Variants in XPOT observed in about 807,000 individuals in gnomAD.
XPOT encodes the protein exportin for tRNA, also known as exportin-T.
XPOT carries 34 observed loss-of-function variants against 128.2 expected under a neutral mutation model. The ratio of observed to expected loss-of-function variants is 0.27; its 90% CI spans 0.20 to 0.35. The LOEUF is 0.35. Among genes scored for constraint, XPOT ranks in the 10% least tolerant of loss-of-function variants. The pLI is 1.00. For synonymous variants in XPOT, 348 were observed against 394.3 expected, an observed-to-expected ratio of 0.88 and a Z score of 1.39; for missense variants, 838 against 1,125.3, an observed-to-expected ratio of 0.74 and a Z score of 3.65.
intron 1 of XPOT, among the ~76,000 whole-genome samples, chr12:64,407,291 C>T (rs1488354549): frequency 6.6e-6 from 1 of 151,978 alleles, no homozygotes; most frequent in African/African-American, 2.4e-5. Flanking sequence ...TCGAGACCAG[C>T]CTGGGCAACA....
chr12:64,434,804 T>C lies in XPOT; in HGVS notation c.2580T>C (p.Asp860=), dbSNP rs1225324580. ...GAATTCTCTTGACAGGAGGTAAAGA[T>C]GGACCAGTGGGATTTGCTGATTTTG... ...SKLVELWGGK[D]GPVGFADFVY... Residue 860 remains aspartate, a synonymous_variant, in exon 21 of 25, where the codon GAT becomes GAC. Transcript: ENST00000332707. 6.2e-7 allele frequency: 1 copy of C among 1,612,112 alleles called. No homozygotes were observed. Among genetic ancestry groups the C allele is most frequent in the Admixed American group, 1.7e-5 (1 of 60,002 alleles).
chr12:64,446,350 A>G (rs1029505628), intron 24 of XPOT, among the ~76,000 whole-genome samples: 1 of 152,224 alleles, frequency 6.6e-6, no homozygotes, highest in South Asian at 2.1e-4. Context: ...TCTCAGTGTT[A>G]GCATTATTAT....
Position 64,434,637 on chromosome 12 carries a change from A to G in XPOT, c.2569+14A>G. On this transcript the variant is annotated intron_variant, in intron 20 of 24. Coordinates refer to ENST00000332707, the MANE Select transcript of XPOT (RefSeq NM_007235.6). ...TAGAACTCTGGGGTAAGATAATTTT[A>G]TTTCTTAACCTTCATTTCCCAAACT... 6.3e-7 allele frequency: 1 copy of G among 1,598,422 alleles called. No individual in the cohort carries two copies. The highest frequency in any genetic ancestry group is 8.6e-7 in the Non-Finnish European group (1 of 1,165,908).
chr12:64,411,186 TA>T (rs2040035744), intron 2 of XPOT, among the ~76,000 whole-genome samples: 1 of 152,242 alleles, frequency 6.6e-6, no homozygotes, highest in Admixed American at 6.5e-5. Flanking sequence ...AAAAGACATT[TA>T]AAATCCATGT....
chr12:64,417,400 TAGCC>T (rs954969794), intron 4 of XPOT, among the ~76,000 whole-genome samples: 1 of 152,070 alleles, frequency 6.6e-6, no homozygotes, highest in African/African-American at 2.4e-5. Flanking sequence ...TTTAAAAAAT[TAGCC>T]AGGCATGATT....
In XPOT at chr12:64,420,117, C is replaced by T. The variant is rs533669652; in HGVS notation, c.537C>T (p.Cys179=). Residue 179 remains cysteine (C), a synonymous_variant, in exon 7 of 25, where the codon TGC becomes TGT. Coordinates refer to ENST00000332707, the MANE Select transcript of XPOT (RefSeq NM_007235.6). The part of the protein sequence containing the change: ...TLIKDTMREQ[C]IPNLVESWYQ... Reference sequence around the variant, plus strand: ...TAAAAGATACCATGAGGGAACAGTGCATTCCAAATCTGGTGGAATCATGGT... The same window carrying T: ...TAAAAGATACCATGAGGGAACAGTGTATTCCAAATCTGGTGGAATCATGGT... 23 of 1,605,072 alleles carry T rather than the reference C, an allele frequency of 1.4e-5. No individual in the cohort carries two copies. The South Asian group carries it at 2.5e-4, about 17-fold the overall frequency.
At chr12:64,421,519 C>A in intron 9 of XPOT, 48 bp downstream of exon 9, 4 of 1,303,348 alleles carry the variant, frequency 3.1e-6, no homozygotes, top group Non-Finnish European at 3.3e-6. Flanking sequence ...TACAAAGGAG[C>A]CATGGAGAAG....
At position 64,418,885 on chromosome 12, in the gene XPOT, C is replaced by T. The variant is rs776102954; in HGVS notation, c.280C>T (p.Pro94Ser). 6.2e-7 allele frequency: 1 copy of T among 1,613,606 alleles called. No homozygotes were observed. Among genetic ancestry groups the T allele is most frequent in the Admixed American group, 1.7e-5 (1 of 59,984 alleles). ...TTTCTCTGTTTGTCAGATGCTGAAT[C>T]CCCAACCAGAGAAGACCTTTATACG... ...ISWLQAQMLN[P>S]QPEKTFIRNK... Residue 94 changes from proline to serine, a missense_variant, in exon 6 of 25, where the codon CCC (proline) becomes TCC (serine). Physicochemically the swap from Pro to Ser is moderately conservative, Grantham distance 74. Around this residue, in one of 3 missense-constraint regions of XPOT, gnomAD observed 761 missense variants for 988.3 expected, o/e 0.77. Coordinates refer to ENST00000332707, the MANE Select transcript of XPOT (RefSeq NM_007235.6).
chr12:64,433,192 C>T (rs561639899), intron 18 of XPOT, among the ~76,000 whole-genome samples: 11 of 152,284 alleles, frequency 7.2e-5, no homozygotes, highest in South Asian at 2.1e-4. Flanking sequence ...GTGACTCACC[C>T]GCCTTAGCCT....
At chr12:64,410,199 G>T in intron 2 of XPOT, 104 bp downstream of exon 2, 3 of 1,006,574 alleles carry the variant, frequency 3.0e-6, no homozygotes, top group East Asian at 2.5e-5. Flanking sequence ...GGGTAGAAAT[G>T]AACAGAAACA....
chr12:64,426,384 T>C (rs1397860377), intron 15 of XPOT, among the ~76,000 whole-genome samples: 1 of 151,752 alleles, frequency 6.6e-6, no homozygotes, highest in Non-Finnish European at 1.5e-5. Context: ...AATCATGTCC[T>C]TTACAGCAAC....
Position 64,439,122 on chromosome 12 carries a change from C to T in XPOT, c.2734-122C>T, listed in dbSNP as rs748117381. 7.2e-5 allele frequency: 61 copies of T among 849,410 alleles called. No individual in the cohort carries two copies. In the Middle Eastern group the frequency reaches 7.7e-4, roughly 11 times the overall value. The allele number at this position is 849,410 out of a possible 1,614,324, so 52.6% of individuals were successfully genotyped here. On this transcript the variant is annotated intron_variant, in intron 22 of 24. Transcript: ENST00000332707. ...CTTCAAACCAAGGCAGTCTGGCTCT[C>T]GGGTCTGTGTTCTTAAGCACAATAC...
intron 21 of XPOT, among the ~76,000 whole-genome samples, 191 bp downstream of exon 21, chr12:64,435,100 A>G (rs1430449464): frequency 2.0e-5 from 3 of 152,136 alleles, no homozygotes; most frequent in Admixed American, 2.0e-4. Context: ...TCCCAATGCT[A>G]CTGCTGAATT....
intron 22 of XPOT, among the ~76,000 whole-genome samples, chr12:64,438,053 C>T (rs1040877333): frequency 9.9e-5 from 15 of 152,036 alleles, no homozygotes; most frequent in African/African-American, 3.6e-4. Flanking sequence ...AGAAGACAGT[C>T]TCAAGAGAGG....
In XPOT at chr12:64,431,758, G is replaced by T; in HGVS notation, c.2197G>T (p.Asp733Tyr). The stretch of plus-strand genomic sequence containing the variant: ...ATCTGCTTCAGAACATATGCTCAAA[G>T]ATTGTGAAGCAAAAGATCTCCAGGA... ...IPSASEHMLKDCEAKDLQEFI... is the reference protein window; with the variant it reads ...IPSASEHMLKYCEAKDLQEFI... The change falls in exon 18 of 25, where the codon GAT becomes TAT. Residue 733 changes from aspartate (D) to tyrosine (Y), a missense_variant. This residue lies in a region of XPOT where 761 missense variants were observed against 988.3 expected (regional missense o/e 0.77). Coordinates refer to ENST00000332707, the MANE Select transcript of XPOT (RefSeq NM_007235.6). The T allele has an allele frequency of 6.2e-7, 1 of 1,614,112 alleles. No individual in the cohort carries two copies. The highest frequency in any genetic ancestry group is 1.3e-5 in the African/African-American group (1 of 75,048).
In XPOT at chr12:64,410,094, G is replaced by A. The variant is rs767613581; in HGVS notation, c.59G>A (p.Arg20Lys). ...NPNADSDFRQ[R>K]ALAYFEQLKI... ...AATGCTGATTCAGACTTTAGACAAAGGGTAAGTTACTCTGCTGAATCATTT... is the reference window on the plus strand; with the variant it reads ...AATGCTGATTCAGACTTTAGACAAAAGGTAAGTTACTCTGCTGAATCATTT... The change falls in exon 2 of 25, where the codon AGG (arginine) becomes AAG (lysine). Residue 20 changes from arginine to lysine, a missense_variant and splice_region_variant. This residue lies in a region of XPOT where 761 missense variants were observed against 988.3 expected (regional missense o/e 0.77). Transcript: ENST00000332707. 6.2e-7 allele frequency: 1 copy of A among 1,613,536 alleles called. No individual in the cohort carries two copies. The highest frequency in any genetic ancestry group is 1.1e-5 in the South Asian group (1 of 91,082).
rs1364827855 is a variant in XPOT at position 64,430,296 on chromosome 12, G to T, written c.1976+9G>T. ...GCTGTTGGATTTGCAAGGTAAGTGT[G>T]ATCACAGTTAAAATTATAAAGTGCA... is the stretch of plus-strand genomic sequence containing the variant. On this transcript the variant is annotated intron_variant, in intron 17 of 24. Transcript: ENST00000332707. 5.8e-6 allele frequency: 9 copies of T among 1,546,158 alleles called. No individual in the cohort carries two copies. The Admixed American group carries it at 6.3e-5, about 11-fold the overall frequency.
At chr12:64,434,999 T>A in intron 21 of XPOT, 90 bp downstream of exon 21, 1 of 1,135,908 alleles carries the variant, frequency 8.8e-7, no homozygotes. Flanking sequence ...TATGTTTCAT[T>A]GATTTTTTTT....
chr12:64,430,364 A>G (rs2040228993), intron 17 of XPOT, 77 bp downstream of exon 17: 2 of 1,173,594 alleles, frequency 1.7e-6, no homozygotes, highest in South Asian at 1.7e-5. Context: ...GGGCACACAC[A>G]TTTGTGTTTC....
Sources: allele counts gnomAD v4.1 joint callset (sites outside exome capture counted in the v4.1 genomes callset), GRCh38; gene constraint gnomAD v4.1.1; regional missense constraint gnomAD v4.1.1; transcripts MANE v1.5; gene names NCBI Gene and HGNC (gene_info 2026-07-23, HGNC 2026-07-21).